Variants in ANGPT4 observed in about 807,000 individuals in gnomAD.
ANGPT4 encodes angiopoietin 4.
In ANGPT4, 50 loss-of-function variants were observed where a neutral mutation model predicts 53.0. The ratio of observed to expected loss-of-function variants is 0.94; its 90% CI spans 0.75 to 1.20. The LOEUF (loss-of-function observed/expected upper bound fraction) is 1.20, where lower values mean the gene tolerates loss of function less well. ANGPT4 is among the 50% of genes most tolerant of loss of function. The pLI is 0.00. For missense variants in ANGPT4, 648 were observed against 637.1 expected (o/e 1.02, Z -0.18); for synonymous variants, 251 against 259.7 (o/e 0.97, Z 0.32).
intron 1 of ANGPT4, among the ~76,000 whole-genome samples, chr20:906,928 C>T (rs1982497454): frequency 6.6e-6 from 1 of 152,246 alleles, no homozygotes; most frequent in South Asian, 2.1e-4. Flanking sequence ...AACCCTAGCT[C>T]AACCCTCAAT....
chr20:909,371 G>A (rs35734521), intron 1 of ANGPT4, among the ~76,000 whole-genome samples: 20,201 of 152,174 alleles, frequency 0.13, 1,505 homozygotes, highest in South Asian at 0.21. Flanking sequence ...GAGCCTCACA[G>A]CAAACCCAGG....
In ANGPT4 at chr20:873,000, A is replaced by G. The variant is rs1271988696; in HGVS notation, c.1472T>C (p.Leu491Pro). 3.1e-6 allele frequency: 5 copies of G among 1,614,078 alleles called. No homozygotes were observed. Among genetic ancestry groups the G allele is most frequent in the South Asian group, 1.1e-5 (1 of 91,082 alleles). ...CCGTATCATCATGCGAGAGGCACGC[A>G]GTGAGTAGCTGGGGCCCTTGAAGTA... Reference protein sequence around the residue: ...WHYFKGPSYSLRASRMMIRPL... With the variant: ...WHYFKGPSYSPRASRMMIRPL... The change falls in exon 9 of 9, where the codon CTG becomes CCG. Residue 491 changes from leucine to proline, a missense_variant. By Grantham distance (98) the Leu-to-Pro change is moderately conservative (BLOSUM62 -3). Transcript: ENST00000381922.
intron 3 of ANGPT4, among the ~76,000 whole-genome samples, chr20:885,843 A>G (rs528744571): frequency 6.6e-6 from 1 of 152,372 alleles, no homozygotes; most frequent in South Asian, 2.1e-4. Context: ...GGGCACATCA[A>G]GCCTAACCCC....
At chr20:898,060 C>T (rs1982124197) in intron 1 of ANGPT4, among the ~76,000 whole-genome samples, 1 of 151,980 alleles carries the variant, frequency 6.6e-6, no homozygotes, top group East Asian at 1.9e-4. Context: ...AGTCTCTGCT[C>T]CCAAAGCGAC....
intron 2 of ANGPT4, among the ~76,000 whole-genome samples, chr20:889,862 C>A (rs1401955860): frequency 6.6e-6 from 1 of 152,192 alleles, no homozygotes; most frequent in African/African-American, 2.4e-5. Flanking sequence ...AGTCCTTGGC[C>A]CCAGAGGCCC....
intron 1 of ANGPT4, among the ~76,000 whole-genome samples, chr20:898,865 G>T (rs933332775): frequency 6.6e-6 from 1 of 152,158 alleles, no homozygotes; most frequent in Admixed American, 6.5e-5. Context: ...TCCACAGCCT[G>T]GGATTCCTCC....
At chr20:897,415 C>T (rs1196676491) in intron 1 of ANGPT4, among the ~76,000 whole-genome samples, 2 of 152,194 alleles carry the variant, frequency 1.3e-5, no homozygotes, top group African/African-American at 4.8e-5. Context: ...CTCTCACTAC[C>T]CTTCAATCTC....
intron 1 of ANGPT4, among the ~76,000 whole-genome samples, chr20:915,234 C>G (rs939338619): frequency 6.6e-6 from 1 of 151,824 alleles, no homozygotes; most frequent in Non-Finnish European, 1.5e-5. Flanking sequence ...GCCCCCCCCC[C>G]AGCTGCATGG....
rs528892428 is a variant in ANGPT4 at position 873,597 on chromosome 20, C to T, written c.1352-477G>A. 2.6e-5 allele frequency among the ~76,000 whole-genome samples: 4 copies of T among 152,174 alleles called. No individual in the cohort carries two copies. The South Asian group carries it at 6.2e-4, about 24-fold the overall frequency. On this transcript the variant is annotated intron_variant, in intron 8 of 8. Transcript: ENST00000381922. Reference sequence around the variant, plus strand: ...TCTTTCTCTGATGGTCTTTGTCCCTCTCTGCCTTTCGTGTCTCTGGCCCTC... The same window carrying T: ...TCTTTCTCTGATGGTCTTTGTCCCTTTCTGCCTTTCGTGTCTCTGGCCCTC...
intron 4 of ANGPT4, among the ~76,000 whole-genome samples, chr20:883,658 G>T (rs6039039): frequency 0.14 from 21,132 of 152,230 alleles, 1,618 homozygotes; most frequent in South Asian, 0.23. Context: ...TGGGCAAAAG[G>T]TGCCCAAGGT....
intron 1 of ANGPT4, among the ~76,000 whole-genome samples, chr20:902,824 T>C (rs1271882436): frequency 2.6e-5 from 4 of 152,206 alleles, no homozygotes; most frequent in African/African-American, 9.6e-5. Flanking sequence ...GTGTCCCCAG[T>C]AGGCTACCAA....
rs1289471023 is a variant in ANGPT4 at position 884,973 on chromosome 20, C to T, written c.835+105G>A. The T allele has an allele frequency of 2.7e-6, 4 of 1,499,510 alleles. No individual in the cohort carries two copies. In the African/African-American group the frequency reaches 4.2e-5, roughly 16 times the overall value. 92.9% of individuals were successfully genotyped at this position (1,499,510 alleles called of 1,614,324 possible). A position where few individuals can be genotyped will look rare whatever the true frequency, so the allele number is the denominator to read the frequency against. On this transcript the variant is annotated intron_variant, in intron 4 of 8. Coordinates refer to ENST00000381922, the MANE Select transcript of ANGPT4 (RefSeq NM_015985.4). ...CACAGATGGTCGGGGAGGGTGGGGCCCGCAATGGCTCCCAGGCGCCCAGAG... is the reference window on the plus strand; with the variant it reads ...CACAGATGGTCGGGGAGGGTGGGGCTCGCAATGGCTCCCAGGCGCCCAGAG...
intron 1 of ANGPT4, among the ~76,000 whole-genome samples, chr20:898,482 C>T (rs1046897904): frequency 6.6e-6 from 1 of 152,204 alleles, no homozygotes; most frequent in South Asian, 2.1e-4. Context: ...CACTTAGCAG[C>T]TACCATTAGA....
chr20:878,805 A>G (rs1981274901), intron 6 of ANGPT4, among the ~76,000 whole-genome samples: 1 of 152,238 alleles, frequency 6.6e-6, no homozygotes, highest in Admixed American at 6.5e-5. Context: ...TCAATCAGCT[A>G]CATAAATAGT....
intron 1 of ANGPT4, among the ~76,000 whole-genome samples, chr20:910,728 T>G (rs1178221579): frequency 1.3e-5 from 2 of 152,184 alleles, no homozygotes; most frequent in Non-Finnish European, 2.9e-5. Context: ...GGCCCTGCCC[T>G]CTGTGGGATG....
At chr20:902,385 T>C (rs1475212500) in intron 1 of ANGPT4, among the ~76,000 whole-genome samples, 1 of 152,174 alleles carries the variant, frequency 6.6e-6, no homozygotes, top group African/African-American at 2.4e-5. Flanking sequence ...TAACTGATAT[T>C]AACTTTTCCT....
At chr20:885,384 G>C (rs73892515) in intron 3 of ANGPT4, 59 bp from the exon 4 acceptor site, 15,971 of 1,457,952 alleles carry the variant, frequency 0.011, 403 homozygotes, top group South Asian at 0.064. Flanking sequence ...ACGCACCCCC[G>C]CGCGCCTCCC....
chr20:888,565 T>G (rs760214480), intron 2 of ANGPT4, 126 bp from the exon 3 acceptor site: 103 of 1,435,864 alleles, frequency 7.2e-5, no homozygotes, highest in Non-Finnish European at 9.4e-5. Context: ...CCAGTCGTAG[T>G]TCCTGTGGTT....
chr20:895,889 C>T (rs145587412), intron 1 of ANGPT4, among the ~76,000 whole-genome samples: 57 of 103,418 alleles, frequency 5.5e-4, no homozygotes, highest in Non-Finnish European at 9.4e-4. Context: ...GGCCTGGGTC[C>T]GGGGAGGGGG....
Sources: gnomAD v4.1 joint callset for allele counts (sites outside exome capture counted in the v4.1 genomes callset) on GRCh38, gnomAD v4.1.1 for gene constraint, MANE v1.5 for transcripts, NCBI Gene and HGNC (gene_info 2026-07-23, HGNC 2026-07-21) for gene names.